KIAA1958: variants seen among roughly 807,000 people sequenced by gnomAD.
The protein encoded by KIAA1958 is KIAA1958.
A neutral mutation model predicts 47.2 loss-of-function variants in KIAA1958; 14 were observed. The ratio of observed to expected loss-of-function variants is 0.30; its 90% CI spans 0.20 to 0.46. KIAA1958 has a LOEUF of 0.46. KIAA1958 is among the 20% of genes least tolerant of loss of function. The probability of loss-of-function intolerance (pLI) is 1.00; values close to 1 mark genes in which losing one functional copy is unlikely to be tolerated. For missense variants in KIAA1958, 803 were observed against 909.2 expected, an observed-to-expected ratio of 0.88 and a Z score of 1.50; for synonymous variants, 354 against 353.3, an observed-to-expected ratio of 1.00 and a Z score of -0.02.
At chr9:112,571,604 G>A (rs954604896) in intron 1 of KIAA1958, among the ~76,000 whole-genome samples, 3 of 151,998 alleles carry the variant, frequency 2.0e-5, no homozygotes, top group South Asian at 2.1e-4. Flanking sequence ...TGGACACTGG[G>A]TAGGCAAAAT....
chr9:112,508,818 A>T (rs943530056), intron 1 of KIAA1958, among the ~76,000 whole-genome samples: 2 of 151,994 alleles, frequency 1.3e-5, no homozygotes. Context: ...TTCTAATAAG[A>T]TTTTTATAAG....
Position 112,525,975 on chromosome 9 carries a change from C to CTTCTT in KIAA1958, c.-25+38858_-25+38862dup, listed in dbSNP as rs1564159490. 1.7e-3 allele frequency among the ~76,000 whole-genome samples: 4 copies of CTTCTT among 2,408 alleles called. 1 individual carries two copies. In the African/African-American group the frequency reaches 0.022, roughly 13 times the overall value. 1.6% of individuals were successfully genotyped at this position (2,408 alleles called of 152,430 possible). Reference sequence around the variant, plus strand: ...TCTTCTTCTTCTTCTTCTTCTTCTTCTTCTTCTTCTTCTTCTTCTTCTTCT... The same window carrying CTTCTT: ...TCTTCTTCTTCTTCTTCTTCTTCTTCTTCTTTTCTTCTTCTTCTTCTTCTTCTTCT... On this transcript the variant is annotated intron_variant, in intron 1 of 3. Transcript: ENST00000337530.
In KIAA1958 at chr9:112,542,219, ATAT is replaced by A. The variant is rs148930622; in HGVS notation, c.-24-31836_-24-31834del. ...AAAATATGAATATGTTCTTAATGAT[ATAT>A]TGATCTTTATTAAATTTTAAACCAG... On this transcript the variant is annotated intron_variant, in intron 1 of 3. Transcript: ENST00000337530. 5.2e-3 allele frequency among the ~76,000 whole-genome samples: 795 copies of A among 152,276 alleles called. 10 individuals carry two copies. The highest frequency in any genetic ancestry group is 0.018 in the African/African-American group (755 of 41,564).
At chr9:112,548,209 G>C (rs957585049) in intron 1 of KIAA1958, among the ~76,000 whole-genome samples, 1 of 151,960 alleles carries the variant, frequency 6.6e-6, no homozygotes, top group Non-Finnish European at 1.5e-5. Flanking sequence ...TTGCCAGGCT[G>C]GTCTTGAACT....
chr9:112,559,114 A>G (rs1835287996), intron 1 of KIAA1958, among the ~76,000 whole-genome samples: 1 of 152,212 alleles, frequency 6.6e-6, no homozygotes, highest in Admixed American at 6.5e-5. Context: ...AGTTCTTGGA[A>G]TTGAACCAGC....
At chr9:112,647,060 C>G (rs1438571513) in intron 3 of KIAA1958, among the ~76,000 whole-genome samples, 1 of 151,954 alleles carries the variant, frequency 6.6e-6, no homozygotes, top group Non-Finnish European at 1.5e-5. Context: ...GAATCAACAA[C>G]AGATGAAATA....
intron 2 of KIAA1958, among the ~76,000 whole-genome samples, chr9:112,626,668 T>C (rs933892225): frequency 3.3e-5 from 5 of 152,164 alleles, no homozygotes; most frequent in African/African-American, 1.2e-4. Flanking sequence ...AATTGTTTAT[T>C]TATATTGGAT....
intron 3 of KIAA1958, among the ~76,000 whole-genome samples, chr9:112,655,238 T>A (rs558159160): frequency 2.9e-4 from 44 of 152,326 alleles, no homozygotes; most frequent in African/African-American, 1.0e-3. Flanking sequence ...CTTTAATGTG[T>A]GAATGTCAAT....
chr9:112,564,820 A>G (rs1358396053), intron 1 of KIAA1958, among the ~76,000 whole-genome samples: 1 of 152,230 alleles, frequency 6.6e-6, no homozygotes, highest in Non-Finnish European at 1.5e-5. Flanking sequence ...CTACTATTGT[A>G]ATACCAGTGG....
chr9:112,611,892 G>C (rs905145917), intron 2 of KIAA1958, among the ~76,000 whole-genome samples: 2 of 151,850 alleles, frequency 1.3e-5, no homozygotes, highest in Admixed American at 6.6e-5. Context: ...AAGGATACTA[G>C]TTAATGGAAT....
chr9:112,625,545 G>A (rs1412935114), intron 2 of KIAA1958, among the ~76,000 whole-genome samples: 1 of 152,152 alleles, frequency 6.6e-6, no homozygotes, highest in Non-Finnish European at 1.5e-5. Flanking sequence ...GCTTTCCCTT[G>A]TCAGGGTTAA....
At chr9:112,567,959 C>CAAAAAAAAAAAA (rs35931681) in intron 1 of KIAA1958, among the ~76,000 whole-genome samples, 2 of 66,180 alleles carry the variant, frequency 3.0e-5, no homozygotes, top group African/African-American at 6.4e-5. Context: ...GAATCCATCT[C>CAAAAAAAAAAAA]AAAAAAAAAA....
intron 2 of KIAA1958, among the ~76,000 whole-genome samples, chr9:112,644,691 A>G (rs777014786): frequency 6.6e-6 from 1 of 152,046 alleles, no homozygotes; most frequent in Non-Finnish European, 1.5e-5. Flanking sequence ...CTCTGAGGAG[A>G]TGTGAGCCCC....
At chr9:112,587,499 C>CT (rs2131186785) in intron 2 of KIAA1958, among the ~76,000 whole-genome samples, 1 of 152,254 alleles carries the variant, frequency 6.6e-6, no homozygotes, top group African/African-American at 2.4e-5. Flanking sequence ...TGCTTTATGC[C>CT]TTCAAGGCTA....
At chr9:112,588,892 A>G (rs1043802715) in intron 2 of KIAA1958, among the ~76,000 whole-genome samples, 4 of 151,960 alleles carry the variant, frequency 2.6e-5, no homozygotes, top group Non-Finnish European at 4.4e-5. Context: ...ATGGATTGGT[A>G]GGAAGTAACT....
At chr9:112,549,697 G>A (rs745485364) in intron 1 of KIAA1958, among the ~76,000 whole-genome samples, 6 of 152,200 alleles carry the variant, frequency 3.9e-5, no homozygotes, top group Admixed American at 6.5e-5. Flanking sequence ...GGGGCGAGGG[G>A]AAGAGCTGCA....
At chr9:112,643,899 C>T (rs144437144) in intron 2 of KIAA1958, among the ~76,000 whole-genome samples, 15 of 152,146 alleles carry the variant, frequency 9.9e-5, no homozygotes, top group South Asian at 2.1e-4. Flanking sequence ...ATGTGAAGGC[C>T]GGGTGCGGTG....
At chr9:112,557,955 A>G (rs1165652140) in intron 1 of KIAA1958, among the ~76,000 whole-genome samples, 1 of 152,156 alleles carries the variant, frequency 6.6e-6, no homozygotes, top group African/African-American at 2.4e-5. Flanking sequence ...GGCTGGGCGC[A>G]GTGGCTCATG....
At chr9:112,653,679 T>A (rs1391717069) in intron 3 of KIAA1958, among the ~76,000 whole-genome samples, 1 of 152,118 alleles carries the variant, frequency 6.6e-6, no homozygotes, top group Non-Finnish European at 1.5e-5. Context: ...GGCGGGCGGA[T>A]CACTTGAGGT....
Sources: gnomAD v4.1 joint callset for allele counts (sites outside exome capture counted in the v4.1 genomes callset) on GRCh38, gnomAD v4.1.1 for gene constraint, MANE v1.5 for transcripts, NCBI Gene and HGNC (gene_info 2026-07-23, HGNC 2026-07-21) for gene names.